Variants in GSG1L observed in about 807,000 individuals in gnomAD.
The protein encoded by GSG1L is germ cell-specific gene 1-like protein.
In GSG1L, 24 loss-of-function variants were observed where a neutral mutation model predicts 42.1. The ratio of observed to expected loss-of-function variants is 0.57; its 90% CI spans 0.41 to 0.80. The LOEUF is 0.80. Among genes scored for constraint, GSG1L ranks in the 30% least tolerant of loss-of-function variants. GSG1L has a pLI of 0.00. For missense variants in GSG1L, 445 were observed against 472.2 expected (o/e 0.94, Z 0.53); for synonymous variants, 215 against 203.5 (o/e 1.06, Z -0.48).
chr16:27,799,169 T>G (rs1233141128), intron 6 of GSG1L, among the ~76,000 whole-genome samples: 2 of 150,698 alleles, frequency 1.3e-5, no homozygotes, highest in African/African-American at 4.9e-5. Context: ...TTTGAAAGGC[T>G]GAAGCGGGAG....
intron 1 of GSG1L, among the ~76,000 whole-genome samples, chr16:28,038,953 G>T (rs2086073083): frequency 6.6e-6 from 1 of 152,106 alleles, no homozygotes; most frequent in South Asian, 2.1e-4. Flanking sequence ...AGCAATTCAG[G>T]TTGTTTTCAT....
At chr16:28,044,005 G>C (rs2086137231) in intron 1 of GSG1L, among the ~76,000 whole-genome samples, 1 of 152,046 alleles carries the variant, frequency 6.6e-6, no homozygotes. Flanking sequence ...CTGGGCAAGA[G>C]AGTAAGATCC....
chr16:27,887,680 C>T (rs570595059), intron 2 of GSG1L, among the ~76,000 whole-genome samples: 2 of 152,316 alleles, frequency 1.3e-5, no homozygotes, highest in South Asian at 2.1e-4. Context: ...TTCTGAGTCC[C>T]CACTTGCTCC....
chr16:28,010,820 C>A (rs1336127347), intron 1 of GSG1L, among the ~76,000 whole-genome samples: 1 of 152,174 alleles, frequency 6.6e-6, no homozygotes, highest in Non-Finnish European at 1.5e-5. Flanking sequence ...ATCTAGAACT[C>A]CCACAGGACG....
At chr16:27,915,196 TACACACACACACACACACACAC>T (rs66820312) in intron 2 of GSG1L, among the ~76,000 whole-genome samples, 8 of 121,784 alleles carry the variant, frequency 6.6e-5, no homozygotes, top group African/African-American at 2.5e-4. Flanking sequence ...CCAGAGGATG[TACACACACACACACACACACAC>T]ACACACACAC....
intron 2 of GSG1L, among the ~76,000 whole-genome samples, chr16:27,944,742 G>A (rs145807809): frequency 4.6e-5 from 7 of 152,002 alleles, no homozygotes; most frequent in Non-Finnish European, 5.9e-5. Context: ...CTATGCCTTC[G>A]TTTTTATGTG....
intron 3 of GSG1L, among the ~76,000 whole-genome samples, chr16:27,846,832 C>A (rs2083449519): frequency 6.6e-6 from 1 of 151,888 alleles, no homozygotes; most frequent in Non-Finnish European, 1.5e-5. Flanking sequence ...TGGTGGGCAC[C>A]TGTAGTCCCA....
intron 1 of GSG1L, among the ~76,000 whole-genome samples, chr16:27,999,167 G>T (rs1372911755): frequency 6.6e-6 from 1 of 152,230 alleles, no homozygotes; most frequent in East Asian, 1.9e-4. Context: ...ATTGGGTCAG[G>T]CGCAGTGGCT....
chr16:27,803,818 TATAG>T (rs2082919244), intron 6 of GSG1L, among the ~76,000 whole-genome samples: 3 of 148,446 alleles, frequency 2.0e-5, no homozygotes, highest in African/African-American at 5.0e-5. Context: ...TAGATATAGA[TATAG>T]ATATAGATAT....
At chr16:27,931,337 C>G (rs889541740) in intron 2 of GSG1L, among the ~76,000 whole-genome samples, 1 of 152,192 alleles carries the variant, frequency 6.6e-6, no homozygotes, top group African/African-American at 2.4e-5. Flanking sequence ...GCCCACCGTG[C>G]TCAAACGGCT....
In GSG1L at chr16:27,899,803, C is replaced by T. The variant is rs562664838; in HGVS notation, c.398-15165G>A. ...GATAGACTTCAATATGCTAGCTGTC[C>T]CCATTTTAACAGAGGAGAACAGATT... On this transcript the variant is annotated intron_variant, in intron 2 of 6. Transcript: ENST00000447459. Among the ~76,000 whole-genome samples the T allele has an allele frequency of 8.5e-5, 13 of 152,240 alleles. No homozygotes were observed. The South Asian group carries it at 2.5e-3, about 29-fold the overall frequency.
intron 2 of GSG1L, among the ~76,000 whole-genome samples, chr16:27,927,732 G>T (rs926187396): frequency 6.6e-6 from 1 of 152,278 alleles, no homozygotes; most frequent in Non-Finnish European, 1.5e-5. Flanking sequence ...CCTAGGCAAA[G>T]TTCATTCGCC....
At chr16:27,842,208 G>T (rs1329675002) in intron 4 of GSG1L, among the ~76,000 whole-genome samples, 1 of 152,072 alleles carries the variant, frequency 6.6e-6, no homozygotes, top group Admixed American at 6.6e-5. Context: ...GTAGCACGTT[G>T]TTGCGCGTGT....
intron 6 of GSG1L, among the ~76,000 whole-genome samples, chr16:27,806,500 G>A (rs1300507532): frequency 6.6e-6 from 1 of 152,216 alleles, no homozygotes; most frequent in Non-Finnish European, 1.5e-5. Flanking sequence ...GAGAGGAAAA[G>A]TGGGACAGGG....
At chr16:27,924,325 ATG>A (rs35592824) in intron 2 of GSG1L, among the ~76,000 whole-genome samples, 54,557 of 151,844 alleles carry the variant, frequency 0.36, 9,931 homozygotes, top group East Asian at 0.43. Context: ...ACGTGTATGT[ATG>A]TGTGTGTACA....
At chr16:28,008,346 T>C (rs1267528067) in intron 1 of GSG1L, among the ~76,000 whole-genome samples, 1 of 152,132 alleles carries the variant, frequency 6.6e-6, no homozygotes, top group Admixed American at 6.5e-5. Flanking sequence ...TCCCAAAGTG[T>C]TGGGATTACA....
intron 2 of GSG1L, among the ~76,000 whole-genome samples, chr16:27,928,883 C>T (rs1407811501): frequency 6.6e-6 from 1 of 152,226 alleles, no homozygotes; most frequent in Non-Finnish European, 1.5e-5. Context: ...CTCTTTGCTT[C>T]CCTCCTTACA....
intron 6 of GSG1L, among the ~76,000 whole-genome samples, chr16:27,796,983 C>G (rs910359746): frequency 6.6e-6 from 1 of 152,204 alleles, no homozygotes; most frequent in African/African-American, 2.4e-5. Context: ...ACCAGACATG[C>G]CTCCCACTCC....
chr16:27,889,278 C>A (rs1229919821), intron 2 of GSG1L, among the ~76,000 whole-genome samples: 1 of 152,176 alleles, frequency 6.6e-6, no homozygotes. Flanking sequence ...GTGTGCCCAG[C>A]CGAGTTGTGC....
Sources: allele counts gnomAD v4.1 joint callset (sites outside exome capture counted in the v4.1 genomes callset), GRCh38; gene constraint gnomAD v4.1.1; transcripts MANE v1.5; gene names NCBI Gene and HGNC (gene_info 2026-07-23, HGNC 2026-07-21).